ZBTB2: variants seen among roughly 807,000 people sequenced by gnomAD.
ZBTB2 encodes the protein zinc finger and BTB domain containing 2.
A neutral mutation model predicts 39.5 loss-of-function variants in ZBTB2; 2 were observed. That is an observed-to-expected ratio of 0.05 (90% CI 0.02 to 0.16). The LOEUF (loss-of-function observed/expected upper bound fraction) is 0.16. Among genes scored for constraint, ZBTB2 ranks in the 10% least tolerant of loss-of-function variants. The pLI, the probability that ZBTB2 is intolerant of heterozygous loss-of-function variation, is 1.00. For synonymous variants in ZBTB2, 251 were observed against 256.6 expected, an observed-to-expected ratio of 0.98 and a Z score of 0.21; for missense variants, 391 against 653.0, an observed-to-expected ratio of 0.60 and a Z score of 4.37.
At chr6:151,390,691 A>G (rs931770738) in intron 1 of ZBTB2, among the ~76,000 whole-genome samples, 2 of 151,724 alleles carry the variant, frequency 1.3e-5, no homozygotes, top group South Asian at 2.1e-4. Context: ...CAGCAGCTGT[A>G]GGAGCCGCTG....
chr6:151,385,910 G>A (rs1779140409), intron 1 of ZBTB2, among the ~76,000 whole-genome samples: 1 of 152,050 alleles, frequency 6.6e-6, no homozygotes, highest in Non-Finnish European at 1.5e-5. Context: ...TAATGGAGTG[G>A]CATTTTTTTC....
At chr6:151,385,166 G>T (rs1421157316) in intron 1 of ZBTB2, among the ~76,000 whole-genome samples, 1 of 152,162 alleles carries the variant, frequency 6.6e-6, no homozygotes. Flanking sequence ...GGTTTTCATG[G>T]AATGCCTTCT....
At chr6:151,383,355 T>C (rs1779083176) in intron 1 of ZBTB2, among the ~76,000 whole-genome samples, 2 of 152,206 alleles carry the variant, frequency 1.3e-5, no homozygotes, top group Admixed American at 6.5e-5. Flanking sequence ...CAGCTAATTA[T>C]ATGCAATTGT....
At chr6:151,390,114 G>C (rs1246741417) in intron 1 of ZBTB2, among the ~76,000 whole-genome samples, 3 of 152,066 alleles carry the variant, frequency 2.0e-5, no homozygotes, top group Non-Finnish European at 1.5e-5. Context: ...CGCAGGCGCA[G>C]ATGGCGCGTC....
At chr6:151,391,303 C>G (rs1269090383) in intron 1 of ZBTB2, 117 bp downstream of exon 1, 1 of 152,048 alleles carries the variant, frequency 6.6e-6, no homozygotes, top group East Asian at 2.0e-4. Context: ...GCCACCGCCT[C>G]TGCCGGAACC....
intron 1 of ZBTB2, among the ~76,000 whole-genome samples, chr6:151,387,099 T>C (rs938149738): frequency 2.0e-5 from 3 of 152,212 alleles, no homozygotes; most frequent in Non-Finnish European, 4.4e-5. Flanking sequence ...GGAGATATAT[T>C]TGAATAGCCT....
At chr6:151,384,958 G>A (rs1328269933) in intron 1 of ZBTB2, among the ~76,000 whole-genome samples, 1 of 152,062 alleles carries the variant, frequency 6.6e-6, no homozygotes, top group Non-Finnish European at 1.5e-5. Context: ...CTTACTGATC[G>A]CAGTCACAAA....
intron 1 of ZBTB2, among the ~76,000 whole-genome samples, chr6:151,386,381 G>C (rs1779148111): frequency 6.6e-6 from 1 of 152,090 alleles, no homozygotes; most frequent in African/African-American, 2.4e-5. Context: ...TCTATAAAAA[G>C]AAAATTAGCT....
intron 2 of ZBTB2, among the ~76,000 whole-genome samples, chr6:151,370,705 A>C (rs887079593): frequency 4.6e-5 from 7 of 152,204 alleles, no homozygotes; most frequent in African/African-American, 1.7e-4. Context: ...AACTGACCGT[A>C]TTCTCAGTCT....
chr6:151,386,409 C>T (rs1779148570), intron 1 of ZBTB2, among the ~76,000 whole-genome samples: 1 of 152,142 alleles, frequency 6.6e-6, no homozygotes, highest in Non-Finnish European at 1.5e-5. Context: ...GTGGCATGTG[C>T]CCATGGTCCC....
intron 1 of ZBTB2, among the ~76,000 whole-genome samples, 194 bp from the exon 2 acceptor site, chr6:151,373,843 TAAAAAAAA>T (rs200070063): frequency 8.7e-5 from 4 of 45,958 alleles, no homozygotes; most frequent in South Asian, 1.0e-3. Context: ...ATTATGCCTT[TAAAAAAAA>T]AAAAAAAAAA....
chr6:151,374,930 TAAAAAAAAAAA>T (rs71556221), intron 1 of ZBTB2, among the ~76,000 whole-genome samples: 1 of 63,838 alleles, frequency 1.6e-5, no homozygotes, highest in Non-Finnish European at 3.1e-5. Flanking sequence ...CCGTCTCTAC[TAAAAAAAAAAA>T]AAAAAAAAAA....
At chr6:151,368,130 T>G (rs1168368387) in intron 2 of ZBTB2, among the ~76,000 whole-genome samples, 2 of 152,202 alleles carry the variant, frequency 1.3e-5, no homozygotes, top group African/African-American at 4.8e-5. Context: ...CATGTTCATT[T>G]GATTAACAAA....
intron 1 of ZBTB2, among the ~76,000 whole-genome samples, chr6:151,384,643 G>C (rs566214321): frequency 6.6e-6 from 1 of 152,094 alleles, no homozygotes; most frequent in Non-Finnish European, 1.5e-5. Context: ...GGGAACACAG[G>C]GCAAATAATA....
At chr6:151,383,744 GAGAC>G (rs796212530) in intron 1 of ZBTB2, among the ~76,000 whole-genome samples, 4 of 152,072 alleles carry the variant, frequency 2.6e-5, no homozygotes, top group African/African-American at 7.2e-5. Context: ...AACTGACCAT[GAGAC>G]AGACAGACAG....
chr6:151,364,255 C>T lies in ZBTB2; in HGVS notation c.*1266G>A, dbSNP rs1445739282. On this transcript the variant is annotated 3_prime_UTR_variant, in exon 3 of 3. Coordinates refer to ENST00000325144, the MANE Select transcript of ZBTB2 (RefSeq NM_020861.3). ...TACTATAGCTATTAGCTATTCTCCC[C>T]TTCTCCTTCAGTCCTTACTTCTGGC... 1 of 152,496 alleles carries T rather than the reference C, an allele frequency of 6.6e-6. No homozygotes were observed. 9.4% of individuals were successfully genotyped at this position (152,496 alleles called of 1,614,324 possible).
At chr6:151,391,176 GCCGCCCCCGCGAGGCGCCC>G (rs1779298261) in intron 1 of ZBTB2, among the ~76,000 whole-genome samples, 1 of 151,636 alleles carries the variant, frequency 6.6e-6, no homozygotes, top group Non-Finnish European at 1.5e-5. Context: ...CGCAGCCGCC[GCCGCCCCCGCGAGGCGCCC>G]CTGCCCTCGC....
intron 2 of ZBTB2, among the ~76,000 whole-genome samples, chr6:151,372,381 G>A (rs149630620): frequency 0.024 from 3,669 of 152,224 alleles, 54 homozygotes; most frequent in Non-Finnish European, 0.037. Flanking sequence ...GAGTGCAGGC[G>A]AGGACCTCGA....
chr6:151,376,916 C>T (rs1162717014), intron 1 of ZBTB2, among the ~76,000 whole-genome samples: 1 of 151,996 alleles, frequency 6.6e-6, no homozygotes, highest in Non-Finnish European at 1.5e-5. Flanking sequence ...AGCTTAATTC[C>T]TAATAATCAA....
Sources: gnomAD v4.1 joint callset for allele counts (sites outside exome capture counted in the v4.1 genomes callset) on GRCh38, gnomAD v4.1.1 for gene constraint, MANE v1.5 for transcripts, NCBI Gene and HGNC (gene_info 2026-07-23, HGNC 2026-07-21) for gene names.